BMPER: variants seen among roughly 807,000 people sequenced by gnomAD.
BMPER encodes the protein BMP binding endothelial regulator, also known as BMP-binding endothelial regulator protein.
A neutral mutation model predicts 87.3 loss-of-function variants in BMPER; 45 were observed. That is an observed-to-expected ratio of 0.52 (90% confidence interval 0.41 to 0.66). BMPER has a LOEUF of 0.66. Ranked by LOEUF, BMPER falls within the 30% of genes least tolerant of loss-of-function variation. The pLI is 0.00. For missense variants in BMPER, 784 were observed against 867.5 expected (o/e 0.90, Z 1.21); for synonymous variants, 326 against 316.2 (o/e 1.03, Z -0.33).
intron 12 of BMPER, among the ~76,000 whole-genome samples, chr7:34,082,533 G>A (rs1789081128): frequency 6.6e-6 from 1 of 152,076 alleles, no homozygotes; most frequent in Admixed American, 6.5e-5. Flanking sequence ...TAATGGCAAG[G>A]AGAAAGAGGA....
intron 6 of BMPER, among the ~76,000 whole-genome samples, chr7:34,033,489 A>T (rs1049722130): frequency 6.6e-6 from 1 of 152,208 alleles, no homozygotes; most frequent in African/African-American, 2.4e-5. Flanking sequence ...GTTAAAAAAA[A>T]AGCTAAGTGT....
intron 14 of BMPER, among the ~76,000 whole-genome samples, chr7:34,151,695 G>A (rs1562775152): frequency 6.6e-6 from 1 of 152,196 alleles, no homozygotes. Context: ...TTCAGAGCAG[G>A]TGTTTACCTA....
chr7:34,081,826 A>G (rs1033405841), intron 12 of BMPER, among the ~76,000 whole-genome samples: 2 of 152,170 alleles, frequency 1.3e-5, no homozygotes, highest in African/African-American at 4.8e-5. Context: ...TAGAAAAACT[A>G]TCAATTTGTA....
intron 10 of BMPER, among the ~76,000 whole-genome samples, chr7:34,059,869 A>T (rs899234346): frequency 4.6e-5 from 7 of 151,458 alleles, no homozygotes; most frequent in African/African-American, 1.7e-4. Context: ...TTATGATTGG[A>T]TTCCTTGTCA....
intron 6 of BMPER, among the ~76,000 whole-genome samples, chr7:34,003,932 C>T (rs962602140): frequency 6.6e-6 from 1 of 152,042 alleles, no homozygotes; most frequent in African/African-American, 2.4e-5. Context: ...CTTGGATGTA[C>T]AGATTAATGT....
chr7:34,034,336 T>C (rs533344671), intron 6 of BMPER, among the ~76,000 whole-genome samples: 6 of 152,308 alleles, frequency 3.9e-5, no homozygotes, highest in African/African-American at 1.4e-4. Context: ...CTGACATAGA[T>C]CATCTTTCAG....
intron 11 of BMPER, among the ~76,000 whole-genome samples, chr7:34,070,816 C>CTT (rs60588204): frequency 0.024 from 2,842 of 119,464 alleles, 122 homozygotes; most frequent in African/African-American, 0.078. Flanking sequence ...AGCGGCAGAG[C>CTT]TTTTTTTTTT....
intron 13 of BMPER, among the ~76,000 whole-genome samples, chr7:34,138,315 A>G (rs893731713): frequency 2.0e-5 from 3 of 152,158 alleles, no homozygotes; most frequent in Admixed American, 2.0e-4. Context: ...TTCTGATCCC[A>G]CTACCGTGCC....
chr7:34,096,407 C>T (rs1562740979), intron 13 of BMPER, among the ~76,000 whole-genome samples: 1 of 152,130 alleles, frequency 6.6e-6, no homozygotes, highest in Non-Finnish European at 1.5e-5. Context: ...GGCTTGGGCT[C>T]AGAGCTGTGC....
chr7:33,935,441 C>T (rs1041824661), intron 2 of BMPER, among the ~76,000 whole-genome samples: 5 of 152,138 alleles, frequency 3.3e-5, no homozygotes. Context: ...GGGTGGGAGA[C>T]CATGGCAGTC....
chr7:34,103,444 A>G (rs899449820), intron 13 of BMPER, among the ~76,000 whole-genome samples: 9 of 152,110 alleles, frequency 5.9e-5, no homozygotes, highest in South Asian at 2.1e-4. Context: ...GCGATACATT[A>G]CCCCTCTGTT....
At chr7:33,984,464 C>CAA (rs926697551) in intron 6 of BMPER, among the ~76,000 whole-genome samples, 1 of 143,844 alleles carries the variant, frequency 7.0e-6, no homozygotes, top group African/African-American at 2.6e-5. Flanking sequence ...GAGTCCGTCT[C>CAA]AAAAAAAAAA....
chr7:34,061,955 T>G (rs746565025), intron 10 of BMPER, 47 bp from the exon 11 acceptor site: 15 of 1,486,554 alleles, frequency 1.0e-5, no homozygotes, highest in East Asian at 6.8e-5. Flanking sequence ...ACCCTGTTTT[T>G]TTTTTTTTTT....
chr7:33,991,995 T>C (rs1562674725), intron 6 of BMPER, among the ~76,000 whole-genome samples: 1 of 148,800 alleles, frequency 6.7e-6, no homozygotes, highest in Admixed American at 6.7e-5. Context: ...TTTGTTATAA[T>C]TTCTGTTCTT....
intron 2 of BMPER, 65 bp from the exon 3 acceptor site, chr7:33,937,224 G>C: frequency 6.6e-7 from 1 of 1,525,390 alleles, no homozygotes; most frequent in Non-Finnish European, 9.1e-7. Flanking sequence ...CCTCTGTGGT[G>C]TGTTAGGATT....
At chr7:34,137,951 A>G (rs929594411) in intron 13 of BMPER, among the ~76,000 whole-genome samples, 7 of 152,128 alleles carry the variant, frequency 4.6e-5, no homozygotes, top group African/African-American at 1.7e-4. Flanking sequence ...GGAGGACAGA[A>G]ATGGATTCCC....
intron 2 of BMPER, among the ~76,000 whole-genome samples, chr7:33,916,767 T>G (rs945523056): frequency 1.3e-5 from 2 of 152,176 alleles, no homozygotes; most frequent in Admixed American, 6.5e-5. Context: ...CTCTGTCAGC[T>G]CCATAGCTTC....
chr7:34,095,652 C>T (rs1203077689), intron 13 of BMPER, among the ~76,000 whole-genome samples: 25 of 152,196 alleles, frequency 1.6e-4, no homozygotes, highest in Admixed American at 1.6e-3. Flanking sequence ...AGGACATGAG[C>T]TGTATTTTTT....
intron 10 of BMPER, among the ~76,000 whole-genome samples, chr7:34,060,208 C>T (rs1788400082): frequency 1.3e-5 from 2 of 152,086 alleles, no homozygotes; most frequent in Admixed American, 6.5e-5. Flanking sequence ...GATATCATCA[C>T]TGCCACTTTC....
Sources: allele counts gnomAD v4.1 joint callset (sites outside exome capture counted in the v4.1 genomes callset), GRCh38; gene constraint gnomAD v4.1.1; transcripts MANE v1.5; gene names NCBI Gene and HGNC (gene_info 2026-07-23, HGNC 2026-07-21).